Variants in NHSL2 observed in about 807,000 individuals in gnomAD.
NHSL2 encodes NHS-like protein 2.
A neutral mutation model predicts 53.4 loss-of-function variants in NHSL2; 27 were observed. The ratio of observed to expected loss-of-function variants is 0.51; its 90% CI spans 0.37 to 0.70. The LOEUF is 0.70. Ranked by LOEUF, NHSL2 falls within the 30% of genes least tolerant of loss-of-function variation. The pLI is 0.00. For missense variants in NHSL2, 892 were observed against 980.1 expected (o/e 0.91, Z 1.20); for synonymous variants, 408 against 404.1 (o/e 1.01, Z -0.12).
At chrX:72,066,362 G>A (rs1362612475) in intron 1 of NHSL2, among the ~76,000 whole-genome samples, 1 of 111,680 alleles carries the variant, frequency 9.0e-6, no homozygotes, top group Non-Finnish European at 1.9e-5. Context: ...GATAGACGGG[G>A]GTCCAAAACC....
intron 4 of NHSL2, among the ~76,000 whole-genome samples, chrX:72,136,272 A>C (rs915780241): frequency 1.8e-5 from 2 of 111,722 alleles, no homozygotes; most frequent in Non-Finnish European, 3.8e-5. Context: ...GCTCTAAAAA[A>C]TTTTTTTAAT....
Position 72,054,103 on chromosome X carries a change from T to G in NHSL2, c.281-77976T>G, listed in dbSNP as rs1023887365. Among the ~76,000 whole-genome samples, 3 of 111,569 alleles carry G rather than the reference T, an allele frequency of 2.7e-5. No individual in the cohort carries two copies. In the East Asian group the frequency reaches 8.5e-4, roughly 31 times the overall value. ...CCTGCTTACTCTGGGCCAGCTCTGCTGTAGGTGCCAGGGATACTCCATAGC... is the reference window on the plus strand; with the variant it reads ...CCTGCTTACTCTGGGCCAGCTCTGCGGTAGGTGCCAGGGATACTCCATAGC... On this transcript the variant is annotated intron_variant, in intron 1 of 7. Coordinates refer to ENST00000633930, the MANE Select transcript of NHSL2 (RefSeq NM_001013627.3).
chrX:72,136,759 C>A (rs991208007), intron 4 of NHSL2, among the ~76,000 whole-genome samples: 1 of 112,654 alleles, frequency 8.9e-6, no homozygotes, highest in Non-Finnish European at 1.9e-5. Context: ...CTAGAAAATG[C>A]TTCTACCTGA....
At chrX:72,119,757 G>A (rs1427359932) in intron 1 of NHSL2, among the ~76,000 whole-genome samples, 6 of 111,905 alleles carry the variant, frequency 5.4e-5, no homozygotes, top group Non-Finnish European at 1.1e-4. Context: ...TTGTCTGACT[G>A]TTCTAGCTAG....
intron 1 of NHSL2, among the ~76,000 whole-genome samples, chrX:72,067,897 AC>A (rs1374391241): frequency 8.9e-6 from 1 of 111,882 alleles, no homozygotes; most frequent in Non-Finnish European, 1.9e-5. Context: ...AACTGAAGAG[AC>A]CCTTGAAAGC....
intron 1 of NHSL2, among the ~76,000 whole-genome samples, chrX:71,964,046 T>TATAC (rs1260764193): frequency 1.0e-4 from 2 of 19,730 alleles, no homozygotes; most frequent in East Asian, 9.5e-4. Context: ...TATATATGTA[T>TATAC]ATATATATAT....
chrX:71,932,527 G>A (rs1400589273), intron 1 of NHSL2, among the ~76,000 whole-genome samples: 2 of 111,349 alleles, frequency 1.8e-5, no homozygotes, highest in East Asian at 5.6e-4. Flanking sequence ...ACCGTAGTCC[G>A]AGAGAGAGAT....
At chrX:72,072,079 G>C (rs2041705736) in intron 1 of NHSL2, among the ~76,000 whole-genome samples, 1 of 112,329 alleles carries the variant, frequency 8.9e-6, no homozygotes, top group Non-Finnish European at 1.9e-5. Context: ...TTACTAATTG[G>C]GGTACGAGAG....
chrX:72,089,675 C>G (rs6525569), intron 1 of NHSL2, among the ~76,000 whole-genome samples: 33,140 of 109,754 alleles, frequency 0.3, 4,648 homozygotes, highest in East Asian at 0.7. Flanking sequence ...ACAGCAACAC[C>G]CAAGCCAGGC....
intron 6 of NHSL2, 65 bp downstream of exon 6, chrX:72,140,836 C>T (rs1424180041): frequency 4.3e-6 from 4 of 922,873 alleles, no homozygotes; most frequent in Non-Finnish European, 6.0e-6. Context: ...GAATGGAGTG[C>T]CAGAGATGGA....
chrX:72,014,550 C>T (rs2042128339), intron 1 of NHSL2, among the ~76,000 whole-genome samples: 1 of 111,512 alleles, frequency 9.0e-6, no homozygotes, highest in South Asian at 3.7e-4. Flanking sequence ...TCATATTTGA[C>T]CCATGGGTTA....
At chrX:72,057,250 C>T (rs1260551942) in intron 1 of NHSL2, among the ~76,000 whole-genome samples, 1 of 112,272 alleles carries the variant, frequency 8.9e-6, no homozygotes, top group Non-Finnish European at 1.9e-5. Context: ...ATGCAAGGTC[C>T]TTAAATTTTT....
At chrX:72,113,568 A>AT (rs2036935611) in intron 1 of NHSL2, among the ~76,000 whole-genome samples, 1 of 112,024 alleles carries the variant, frequency 8.9e-6, no homozygotes, top group Non-Finnish European at 1.9e-5. Context: ...TGCAGTTTAT[A>AT]TGGCACCTTC....
intron 1 of NHSL2, among the ~76,000 whole-genome samples, chrX:72,059,537 A>G (rs1203438711): frequency 8.9e-6 from 1 of 112,351 alleles, no homozygotes; most frequent in African/African-American, 3.2e-5. Flanking sequence ...CTGTTGCTCA[A>G]AACGTCCTCT....
At chrX:71,958,783 A>G (rs1569466514) in intron 1 of NHSL2, among the ~76,000 whole-genome samples, 1 of 112,691 alleles carries the variant, frequency 8.9e-6, no homozygotes, top group Non-Finnish European at 1.9e-5. Flanking sequence ...GATTCATTTC[A>G]GCAGATATTT....
Position 72,001,708 on chromosome X carries a change from G to A in NHSL2, c.280+90341G>A, listed in dbSNP as rs2042073672. 5.4e-5 allele frequency among the ~76,000 whole-genome samples: 6 copies of A among 111,507 alleles called. No homozygotes were observed. In the South Asian group the frequency reaches 2.3e-3, roughly 42 times the overall value. On this transcript the variant is annotated intron_variant, in intron 1 of 7. Transcript: ENST00000633930. ...TGTGAGCTCTGACTACAACATTCTT[G>A]TCTCTACCTTCAGTCTTGTCAACAG...
At position 72,130,540 on chromosome X, in the gene NHSL2, T is replaced by C. The variant is rs373898335; in HGVS notation, c.281-1539T>C. ...CTCTTCATCTTCACTTTCTTCCTCA[T>C]TGGGACTCGGAGCAAAAGGGAAGAT... On this transcript the variant is annotated intron_variant, in intron 1 of 7. Transcript: ENST00000633930. 6.5e-5 allele frequency: 79 copies of C among 1,208,951 alleles called. No individual in the cohort carries two copies. Among genetic ancestry groups the C allele is most frequent in the African/African-American group, 6.3e-4 (36 of 56,884 alleles).
intron 1 of NHSL2, among the ~76,000 whole-genome samples, chrX:71,989,209 C>T (rs1188931970): frequency 9.1e-6 from 1 of 109,692 alleles, no homozygotes. Flanking sequence ...ATTAGCCGGG[C>T]GTGGTGGCAC....
intron 1 of NHSL2, among the ~76,000 whole-genome samples, chrX:71,978,408 A>G (rs1169432247): frequency 8.9e-6 from 1 of 112,219 alleles, no homozygotes; most frequent in Non-Finnish European, 1.9e-5. Context: ...ATTTGGTGCC[A>G]GGACTCTGCA....
Sources: allele counts gnomAD v4.1 joint callset (sites outside exome capture counted in the v4.1 genomes callset), GRCh38; gene constraint gnomAD v4.1.1; transcripts MANE v1.5; gene names NCBI Gene and HGNC (gene_info 2026-07-23, HGNC 2026-07-21).